Variants in RNGTT observed in about 807,000 individuals in gnomAD.
The protein encoded by RNGTT is mRNA-capping enzyme.
In RNGTT, 33 loss-of-function variants were observed where a neutral mutation model predicts 79.3. The ratio of observed to expected loss-of-function variants is 0.42; its 90% CI spans 0.32 to 0.56. The LOEUF (loss-of-function observed/expected upper bound fraction) is 0.56, where lower values mean the gene tolerates loss of function less well. Ranked by LOEUF, RNGTT falls within the 20% of genes least tolerant of loss-of-function variation. The pLI is 0.17. For synonymous variants in RNGTT, 222 were observed against 235.9 expected, an observed-to-expected ratio of 0.94 and a Z score of 0.54; for missense variants, 497 against 739.1, an observed-to-expected ratio of 0.67 and a Z score of 3.80.
intron 4 of RNGTT, among the ~76,000 whole-genome samples, chr6:88,909,374 A>G (rs1783760902): frequency 6.6e-6 from 1 of 152,094 alleles, no homozygotes; most frequent in African/African-American, 2.4e-5. Flanking sequence ...CTACACACAC[A>G]TACGGTGCCA....
chr6:88,726,556 G>C (rs1430836260), intron 13 of RNGTT, among the ~76,000 whole-genome samples: 1 of 150,250 alleles, frequency 6.7e-6, no homozygotes, highest in Non-Finnish European at 1.5e-5. Context: ...ACAAAGGTCC[G>C]ACCAAACCTA....
chr6:88,754,498 T>A (rs539822587), intron 13 of RNGTT, among the ~76,000 whole-genome samples: 1 of 152,072 alleles, frequency 6.6e-6, no homozygotes, highest in East Asian at 1.9e-4. Context: ...TGCCACCACT[T>A]AGAGCACTCC....
At chr6:88,857,556 C>T (rs1175487711) in intron 8 of RNGTT, among the ~76,000 whole-genome samples, 1 of 152,048 alleles carries the variant, frequency 6.6e-6, no homozygotes, top group Non-Finnish European at 1.5e-5. Context: ...ACTCAAATGT[C>T]CATCATTCAG....
intron 12 of RNGTT, among the ~76,000 whole-genome samples, chr6:88,795,468 A>G (rs1779565933): frequency 6.6e-6 from 1 of 152,146 alleles, no homozygotes; most frequent in African/African-American, 2.4e-5. Flanking sequence ...TCTCACTTAT[A>G]AGTGGGAGCT....
chr6:88,849,772 C>A lies in RNGTT; in HGVS notation c.1087G>T (p.Asp363Tyr). 6.4e-7 allele frequency: 1 copy of A among 1,559,448 alleles called. No homozygotes were observed. The highest frequency in any genetic ancestry group is 1.2e-5 in the South Asian group (1 of 81,886). Reference protein sequence around the residue: ...GQAVPRYLIYDIIKFNSQPVG... With the variant: ...GQAVPRYLIYYIIKFNSQPVG... ...GTACTTACATTGAATTTAATTATGT[C>A]ATATATCAAATATCTAGGAACAGCC... The change falls in exon 10 of 16, where the codon GAC becomes TAC. Residue 363 changes from aspartate (D) to tyrosine (Y), a missense_variant. Physicochemically the swap from Asp to Tyr is radical, Grantham distance 160. Transcript: ENST00000369485.
At chr6:88,836,943 G>C (rs1781101079) in intron 11 of RNGTT, among the ~76,000 whole-genome samples, 1 of 152,038 alleles carries the variant, frequency 6.6e-6, no homozygotes, top group South Asian at 2.1e-4. Flanking sequence ...TTAATAAATG[G>C]ATATTGCACT....
At chr6:88,732,979 C>T (rs1187386112) in intron 13 of RNGTT, among the ~76,000 whole-genome samples, 1 of 151,872 alleles carries the variant, frequency 6.6e-6, no homozygotes, top group East Asian at 1.9e-4. Context: ...ACCACACTAA[C>T]AAAAAAATGA....
intron 1 of RNGTT, among the ~76,000 whole-genome samples, chr6:88,948,210 C>G (rs1390889071): frequency 1.7e-4 from 3 of 17,650 alleles, no homozygotes; most frequent in Admixed American, 4.8e-4. Context: ...CCCGGCCAGC[C>G]GCCCCGTCCG....
chr6:88,876,562 C>T (rs1277868510), intron 8 of RNGTT, among the ~76,000 whole-genome samples: 2 of 152,082 alleles, frequency 1.3e-5, no homozygotes, highest in African/African-American at 4.8e-5. Flanking sequence ...TAATTACCTG[C>T]TAAGCCTATC....
chr6:88,843,474 T>C (rs1243321473), intron 11 of RNGTT, among the ~76,000 whole-genome samples: 1 of 147,208 alleles, frequency 6.8e-6, no homozygotes, highest in Non-Finnish European at 1.5e-5. Context: ...TGGAAATATC[T>C]CCAAGCCATA....
intron 13 of RNGTT, among the ~76,000 whole-genome samples, chr6:88,690,331 G>A (rs1582334599): frequency 6.6e-6 from 1 of 151,888 alleles, no homozygotes; most frequent in Non-Finnish European, 1.5e-5. Context: ...AAAAATGGGG[G>A]AAACCACGTG....
chr6:88,882,718 T>C (rs944270919), intron 8 of RNGTT, among the ~76,000 whole-genome samples: 6 of 152,160 alleles, frequency 3.9e-5, no homozygotes, highest in African/African-American at 1.4e-4. Context: ...TTAGTGATCT[T>C]ACAAAAGAGC....
At chr6:88,823,612 A>G (rs1780565344) in intron 11 of RNGTT, among the ~76,000 whole-genome samples, 1 of 152,200 alleles carries the variant, frequency 6.6e-6, no homozygotes, top group African/African-American at 2.4e-5. Context: ...AAATAAATGG[A>G]AGATTACAAT....
rs80353048 is a variant in RNGTT, at chr6:88,615,673, C to G, written c.1507-1278G>C. On this transcript the variant is annotated intron_variant, in intron 14 of 15. Transcript: ENST00000369485. Reference sequence around the variant, plus strand: ...GTTAGGTAAACACAGTTTTGCTATACCACATGTAAGGTCTAACAGAAATAA... The same window carrying G: ...GTTAGGTAAACACAGTTTTGCTATAGCACATGTAAGGTCTAACAGAAATAA... Among the ~76,000 whole-genome samples, 4 of 152,250 alleles carry G rather than the reference C, an allele frequency of 2.6e-5. No individual in the cohort carries two copies. The South Asian group carries it at 6.2e-4, about 24-fold the overall frequency.
At chr6:88,944,851 G>A (rs79833894) in intron 1 of RNGTT, among the ~76,000 whole-genome samples, 1 of 152,164 alleles carries the variant, frequency 6.6e-6, no homozygotes, top group Non-Finnish European at 1.5e-5. Context: ...TTCTCCTCCT[G>A]AATGTGACTA....
At chr6:88,941,621 T>C (rs1784849945) in intron 1 of RNGTT, among the ~76,000 whole-genome samples, 1 of 151,894 alleles carries the variant, frequency 6.6e-6, no homozygotes, top group African/African-American at 2.4e-5. Context: ...GTTCATAAAG[T>C]ACTCTCAATT....
intron 8 of RNGTT, among the ~76,000 whole-genome samples, chr6:88,882,703 T>C (rs1182207035): frequency 6.6e-6 from 1 of 152,172 alleles, no homozygotes; most frequent in Non-Finnish European, 1.5e-5. Context: ...CCCTCATGCA[T>C]GGGATTAGTG....
At chr6:88,851,548 TA>T (rs1243198185) in intron 9 of RNGTT, among the ~76,000 whole-genome samples, 1 of 152,030 alleles carries the variant, frequency 6.6e-6, no homozygotes, top group Non-Finnish European at 1.5e-5. Flanking sequence ...GTCTCAATAT[TA>T]AGTTGATTAA....
intron 14 of RNGTT, among the ~76,000 whole-genome samples, chr6:88,617,066 G>C (rs897682637): frequency 6.6e-6 from 1 of 152,126 alleles, no homozygotes; most frequent in African/African-American, 2.4e-5. Context: ...AGGTCAGATC[G>C]AGACCATCCT....
Sources: gnomAD v4.1 joint callset for allele counts (sites outside exome capture counted in the v4.1 genomes callset) on GRCh38, gnomAD v4.1.1 for gene constraint, MANE v1.5 for transcripts, NCBI Gene and HGNC (gene_info 2026-07-23, HGNC 2026-07-21) for gene names.